The following CSMD1 variants were observed in gnomAD, a reference collection of about 807,000 sequenced individuals.
CSMD1 encodes the protein CUB and Sushi multiple domains 1.
CSMD1 carries 213 observed loss-of-function variants against 417.5 expected under a neutral mutation model. The observed-to-expected ratio is 0.51, with a 90% CI of 0.46 to 0.57. The LOEUF is 0.57. Among genes scored for constraint, CSMD1 ranks in the 20% least tolerant of loss-of-function variants. CSMD1 has a pLI of 0.00. For missense variants in CSMD1, 6,923 were observed against 4,529.7 expected, an observed-to-expected ratio of 1.53 and a Z score of -15.17; for synonymous variants, 2,862 against 1,736.8, an observed-to-expected ratio of 1.65 and a Z score of -16.11.
chr8:3,980,528 T>C (rs2130174865), intron 5 of CSMD1, among the ~76,000 whole-genome samples: 1 of 142,692 alleles, frequency 7.0e-6, no homozygotes, highest in Admixed American at 6.8e-5. Context: ...TTATGCCATT[T>C]AGATTTGTCG....
chr8:3,185,648 G>A (rs1164351499), intron 36 of CSMD1, among the ~76,000 whole-genome samples: 1 of 152,200 alleles, frequency 6.6e-6, no homozygotes, highest in African/African-American at 2.4e-5. Flanking sequence ...GGCTTAATAT[G>A]AGGTTGCTGT....
intron 2 of CSMD1, among the ~76,000 whole-genome samples, chr8:4,450,444 G>C (rs1000419694): frequency 3.3e-5 from 5 of 152,098 alleles, no homozygotes; most frequent in African/African-American, 1.2e-4. Flanking sequence ...TGGCCAACAG[G>C]GTGAAACCTC....
At chr8:3,590,822 T>C (rs1046279097) in intron 8 of CSMD1, among the ~76,000 whole-genome samples, 2 of 152,204 alleles carry the variant, frequency 1.3e-5, no homozygotes, top group African/African-American at 4.8e-5. Flanking sequence ...ACCCCAATTC[T>C]AATTTATTAA....
intron 5 of CSMD1, among the ~76,000 whole-genome samples, chr8:3,826,201 G>T (rs1463478151): frequency 6.6e-6 from 1 of 152,118 alleles, no homozygotes; most frequent in Non-Finnish European, 1.5e-5. Flanking sequence ...AGGCCTTCAC[G>T]GTGGAGCTGG....
At chr8:3,313,815 G>A (rs1236053372) in intron 23 of CSMD1, among the ~76,000 whole-genome samples, 10 of 152,112 alleles carry the variant, frequency 6.6e-5, no homozygotes, top group Non-Finnish European at 1.5e-4. Context: ...AAGGAAACAT[G>A]CACACGTATG....
chr8:4,687,003 T>C (rs578010496), intron 1 of CSMD1, among the ~76,000 whole-genome samples: 2 of 152,196 alleles, frequency 1.3e-5, no homozygotes, highest in Non-Finnish European at 2.9e-5. Context: ...CTCATGATGC[T>C]GGCACATGGC....
intron 1 of CSMD1, among the ~76,000 whole-genome samples, chr8:4,815,425 T>A (rs929643715): frequency 1.3e-5 from 2 of 151,980 alleles, no homozygotes; most frequent in Non-Finnish European, 2.9e-5. Flanking sequence ...ACCGGGCTTA[T>A]TGGCTCAAGC....
At chr8:3,470,648 TTC>T in intron 11 of CSMD1, among the ~76,000 whole-genome samples, 1 of 152,262 alleles carries the variant, frequency 6.6e-6, no homozygotes, top group East Asian at 1.9e-4. Context: ...TCTGGTGCTC[TTC>T]CCTTAAAATC....
chr8:3,955,326 T>C (rs755395399), intron 5 of CSMD1, among the ~76,000 whole-genome samples: 5 of 152,250 alleles, frequency 3.3e-5, no homozygotes, highest in Admixed American at 2.6e-4. Context: ...TTGGTGAAAC[T>C]CCATGTTACG....
chr8:3,810,640 T>C (rs1173819155), intron 5 of CSMD1, among the ~76,000 whole-genome samples: 2 of 152,192 alleles, frequency 1.3e-5, no homozygotes, highest in African/African-American at 2.4e-5. Flanking sequence ...ACTGGAGTCT[T>C]TAGTTTATAA....
chr8:4,940,492 G>A (rs1340351210), intron 1 of CSMD1, among the ~76,000 whole-genome samples: 1 of 152,144 alleles, frequency 6.6e-6, no homozygotes, highest in Non-Finnish European at 1.5e-5. Flanking sequence ...TCCCCACTTT[G>A]TTTGCTAACC....
At chr8:3,905,350 C>T (rs116835803) in intron 5 of CSMD1, among the ~76,000 whole-genome samples, 1 of 152,114 alleles carries the variant, frequency 6.6e-6, no homozygotes, top group Admixed American at 6.6e-5. Context: ...AAAAGTTGAT[C>T]ATCTAAAAAA....
At chr8:4,968,616 C>A (rs561726422) in intron 1 of CSMD1, among the ~76,000 whole-genome samples, 2 of 152,100 alleles carry the variant, frequency 1.3e-5, no homozygotes, top group East Asian at 3.8e-4. Flanking sequence ...TTTCTCTCCC[C>A]TCCCTCAGTG....
intron 5 of CSMD1, among the ~76,000 whole-genome samples, chr8:3,835,088 A>G (rs11136670): frequency 0.38 from 54,311 of 143,122 alleles, 10,936 homozygotes; most frequent in African/African-American, 0.5. Flanking sequence ...GAGAGGATGT[A>G]GAGAAATAGG....
chr8:4,515,644 A>G (rs1035875831), intron 2 of CSMD1, among the ~76,000 whole-genome samples: 1 of 152,190 alleles, frequency 6.6e-6, no homozygotes. Context: ...AATAAAAATG[A>G]GAACGGATTC....
At chr8:3,959,809 A>C (rs1475585205) in intron 5 of CSMD1, among the ~76,000 whole-genome samples, 1 of 152,194 alleles carries the variant, frequency 6.6e-6, no homozygotes, top group Non-Finnish European at 1.5e-5. Flanking sequence ...ACCTGTTAGC[A>C]CCTTCTGGCA....
intron 18 of CSMD1, among the ~76,000 whole-genome samples, chr8:3,372,229 C>A (rs928392605): frequency 1.3e-5 from 2 of 152,002 alleles, no homozygotes; most frequent in Non-Finnish European, 2.9e-5. Context: ...ACCTGGGGAA[C>A]AATTTGGGTA....
intron 3 of CSMD1, among the ~76,000 whole-genome samples, chr8:4,167,140 A>T (rs1380244895): frequency 6.6e-6 from 1 of 152,216 alleles, no homozygotes; most frequent in Non-Finnish European, 1.5e-5. Flanking sequence ...TACTTAGGTG[A>T]CATTTTTTTT....
intron 1 of CSMD1, among the ~76,000 whole-genome samples, chr8:4,768,096 G>A (rs548669544): frequency 6.6e-6 from 1 of 152,234 alleles, no homozygotes; most frequent in South Asian, 2.1e-4. Flanking sequence ...CAGCAGTTAT[G>A]TGTTCTCTCA....
Sources: allele counts gnomAD v4.1 joint callset (sites outside exome capture counted in the v4.1 genomes callset), GRCh38; gene constraint gnomAD v4.1.1; transcripts MANE v1.5; gene names NCBI Gene and HGNC (gene_info 2026-07-23, HGNC 2026-07-21).